Variants in KMT2E observed in about 807,000 individuals in gnomAD.
KMT2E encodes lysine methyltransferase 2E (inactive).
Under a neutral mutation model 184.6 loss-of-function variants are expected in KMT2E, and 30 were observed. The observed-to-expected ratio is 0.16, with a 90% confidence interval of 0.12 to 0.22. The LOEUF is 0.22. Among genes scored for constraint, KMT2E ranks in the 10% least tolerant of loss-of-function variants. The pLI, the probability that KMT2E is intolerant of heterozygous loss-of-function variation, is 1.00. For synonymous variants in KMT2E, 815 were observed against 776.5 expected, an observed-to-expected ratio of 1.05 and a Z score of -0.82; for missense variants, 2,023 against 2,237.4, an observed-to-expected ratio of 0.90 and a Z score of 1.93.
intron 1 of KMT2E, among the ~76,000 whole-genome samples, chr7:105,030,853 A>G (rs1160864090): frequency 6.6e-6 from 1 of 152,240 alleles, no homozygotes; most frequent in Non-Finnish European, 1.5e-5. Flanking sequence ...TTCATTGCCC[A>G]GGTCTGAGAT....
At chr7:105,089,244 G>T (rs1286517976) in intron 13 of KMT2E, 5 of 411,414 alleles carry the variant, frequency 1.2e-5, no homozygotes, top group Non-Finnish European at 1.9e-5. Flanking sequence ...TGTCACCCAG[G>T]CTGGAATGCA....
rs201897826 is a variant in KMT2E, at chr7:105,107,832, C to T, written c.3375C>T (p.Ser1125=). 7.4e-5 allele frequency: 119 copies of T among 1,613,884 alleles called. No individual in the cohort carries two copies. The highest frequency in any genetic ancestry group is 1.5e-4 in the Admixed American group (9 of 59,980). ...TGGAAACAACTGTGTTTTGTACTTCCGAAGATGGGCTTGTATCTGGTTTCG... is the reference window on the plus strand; with the variant it reads ...TGGAAACAACTGTGTTTTGTACTTCTGAAGATGGGCTTGTATCTGGTTTCG... ...MFMETTVFCT[S]EDGLVSGFGR... Residue 1125 remains serine, a synonymous_variant, in exon 22 of 27, where the codon TCC becomes TCT. Transcript: ENST00000311117.
intron 3 of KMT2E, among the ~76,000 whole-genome samples, chr7:105,052,822 T>TGCCC (rs943935623): frequency 1.3e-5 from 2 of 152,040 alleles, no homozygotes; most frequent in African/African-American, 4.8e-5. Context: ...TCAGGTGATC[T>TGCCC]GCCCACCTTG....
Position 105,090,002 on chromosome 7 carries a change from T to A in KMT2E, c.1359-7T>A, listed in dbSNP as rs781314624. On this transcript the variant is annotated splice_polypyrimidine_tract_variant and splice_region_variant and intron_variant, in intron 13 of 26. Coordinates refer to ENST00000311117, the MANE Select transcript of KMT2E (RefSeq NM_182931.3). The stretch of plus-strand genomic sequence containing the variant: ...TGAAATAAATATTTAACTGGTTATC[T>A]TTCCAGTAAGTACAAGGTGGACTGT... The A allele has an allele frequency of 4.4e-6, 7 of 1,593,314 alleles. No homozygotes were observed. The highest frequency in any genetic ancestry group is 6.0e-6 in the Non-Finnish European group (7 of 1,173,782).
At chr7:105,042,468 A>G (rs1363968442) in intron 3 of KMT2E, among the ~76,000 whole-genome samples, 5 of 152,226 alleles carry the variant, frequency 3.3e-5, no homozygotes, top group African/African-American at 7.2e-5. Flanking sequence ...TTTATATAAA[A>G]TATCTTAATC....
At chr7:105,037,108 T>G (rs1352942250) in intron 1 of KMT2E, among the ~76,000 whole-genome samples, 1 of 152,170 alleles carries the variant, frequency 6.6e-6, no homozygotes, top group Non-Finnish European at 1.5e-5. Context: ...TTTCCATTAG[T>G]AATTAAGCCA....
chr7:105,057,586 G>C (rs1320625351), intron 3 of KMT2E, among the ~76,000 whole-genome samples: 1 of 151,908 alleles, frequency 6.6e-6, no homozygotes, highest in African/African-American at 2.4e-5. Context: ...CTGAAGCCTA[G>C]GACTATAGGT....
Position 105,081,742 on chromosome 7 carries a change from A to C in KMT2E, c.1303A>C (p.Ser435Arg). Residue 435 changes from serine (S) to arginine (R), a missense_variant, in exon 13 of 27, where the codon AGT (serine) becomes CGT (arginine). Physicochemically the swap from Ser to Arg is moderately radical, Grantham distance 110. Coordinates refer to ENST00000311117, the MANE Select transcript of KMT2E (RefSeq NM_182931.3). ...ACATCTTTATATTTATTCTATACAC[A>C]GTATTCCAAAGGGAACTGAAATTAC... ...TIHLYIYSIH[S>R]IPKGTEITIA... is the part of the protein sequence containing the mutation. 1 of 1,551,282 alleles carries C rather than the reference A, an allele frequency of 6.4e-7. No individual in the cohort carries two copies. The highest frequency in any genetic ancestry group is 8.8e-7 in the Non-Finnish European group (1 of 1,134,042).
intron 15 of KMT2E, 48 bp from the exon 16 acceptor site, chr7:105,101,377 T>G: frequency 7.6e-7 from 1 of 1,310,840 alleles, no homozygotes; most frequent in Non-Finnish European, 1.0e-6. Flanking sequence ...TTAATTTTAC[T>G]TTTGAGCATT....
chr7:105,054,909 A>G (rs1318486602), intron 3 of KMT2E, among the ~76,000 whole-genome samples: 2 of 152,214 alleles, frequency 1.3e-5, no homozygotes, highest in African/African-American at 4.8e-5. Context: ...CTTTGAAACT[A>G]GACATAGTGC....
rs754399544 is a variant in KMT2E, at chr7:105,074,637, C to A, written c.557-6C>A. The A allele has an allele frequency of 1.4e-6, 2 of 1,474,144 alleles. No individual in the cohort carries two copies. Among genetic ancestry groups the A allele is most frequent in the Non-Finnish European group, 1.8e-6 (2 of 1,108,802 alleles). 91.3% of individuals were successfully genotyped at this position (1,474,144 alleles called of 1,614,324 possible). ...AAATGTGCAATAATTTTTATTTTGT[C>A]TGAAGATGGTGATACCAGTGCAACT... On this transcript the variant is annotated splice_region_variant and splice_polypyrimidine_tract_variant and intron_variant, in intron 7 of 26. Coordinates refer to ENST00000311117, the MANE Select transcript of KMT2E (RefSeq NM_182931.3).
At chr7:105,040,140 TGTACA>T (rs1795818196) in intron 2 of KMT2E, among the ~76,000 whole-genome samples, 1 of 152,186 alleles carries the variant, frequency 6.6e-6, no homozygotes, top group Admixed American at 6.5e-5. Flanking sequence ...TGACAACTAC[TGTACA>T]GTAATCAAAT....
In KMT2E at chr7:105,111,336, A is replaced by G. The variant is rs1023139494; in HGVS notation, c.4068+468A>G. ...TATCTTTTTTTGATGATTGACATTT[A>G]AACAGTCTTATACTTGGTTTATTTA... On this transcript the variant is annotated intron_variant, in intron 26 of 26. Transcript: ENST00000311117. 24 of 171,290 alleles carry G rather than the reference A, an allele frequency of 1.4e-4. 1 individual carries two copies. Among genetic ancestry groups the G allele is most frequent in the Admixed American group, 1.7e-4 (3 of 17,420 alleles). 10.6% of individuals were successfully genotyped at this position (171,290 alleles called of 1,614,324 possible).
At chr7:105,047,213 A>G (rs1272705127) in intron 3 of KMT2E, among the ~76,000 whole-genome samples, 2 of 152,264 alleles carry the variant, frequency 1.3e-5, no homozygotes, top group Non-Finnish European at 2.9e-5. Context: ...GCATCTGCCT[A>G]GAATGTACCA....
chr7:105,020,455 G>T (rs1224713976), intron 1 of KMT2E, among the ~76,000 whole-genome samples: 1 of 151,912 alleles, frequency 6.6e-6, no homozygotes, highest in Non-Finnish European at 1.5e-5. Flanking sequence ...CTTGGTGGCG[G>T]GTGCCTGTAA....
Position 105,040,900 on chromosome 7 carries a change from G to T in KMT2E, c.-53G>T. On this transcript the variant is annotated 5_prime_UTR_variant, in exon 3 of 27. It introduces an in-frame stop codon into an upstream open reading frame of the 5' UTR. Transcript: ENST00000311117. Reference sequence around the variant, plus strand: ...TGTGGCTGGCATGCCCCAGTGTTTTGGATACCAATGCATAGGACTCCATAG... The same window carrying T: ...TGTGGCTGGCATGCCCCAGTGTTTTTGATACCAATGCATAGGACTCCATAG... 1 of 1,357,610 alleles carries T rather than the reference G, an allele frequency of 7.4e-7. No individual in the cohort carries two copies. The highest frequency in any genetic ancestry group is 1.0e-6 in the Non-Finnish European group (1 of 955,938). 84.1% of individuals were successfully genotyped at this position (1,357,610 alleles called of 1,614,324 possible). A position where few individuals can be genotyped will look rare whatever the true frequency, so the allele number is the denominator to read the frequency against.
chr7:105,070,280 G>T (rs1797227775), intron 6 of KMT2E, among the ~76,000 whole-genome samples: 1 of 151,992 alleles, frequency 6.6e-6, no homozygotes, highest in African/African-American at 2.4e-5. Context: ...TTCCGGAATG[G>T]CTATTCGATT....
intron 6 of KMT2E, among the ~76,000 whole-genome samples, chr7:105,071,488 T>A (rs1797287321): frequency 6.7e-6 from 1 of 149,258 alleles, no homozygotes; most frequent in Non-Finnish European, 1.5e-5. Context: ...TGCCTCAGCC[T>A]GCCGAGTAGC....
At chr7:105,093,017 A>G (rs1798269077) in intron 15 of KMT2E, among the ~76,000 whole-genome samples, 1 of 152,094 alleles carries the variant, frequency 6.6e-6, no homozygotes, top group African/African-American at 2.4e-5. Flanking sequence ...CAATATAGCG[A>G]GACCTCATCT....
Sources: gnomAD v4.1 joint callset for allele counts (sites outside exome capture counted in the v4.1 genomes callset) on GRCh38, gnomAD v4.1.1 for gene constraint, MANE v1.5 for transcripts, NCBI Gene and HGNC (gene_info 2026-07-23, HGNC 2026-07-21) for gene names.